The following GXYLT1 variants were observed in gnomAD, a reference collection of about 807,000 sequenced individuals.
The protein encoded by GXYLT1 is glucoside xylosyltransferase 1.
A neutral mutation model predicts 54.0 loss-of-function variants in GXYLT1; 29 were observed. The observed-to-expected ratio is 0.54, with a 90% CI of 0.40 to 0.73. The LOEUF is 0.73. Among genes scored for constraint, GXYLT1 ranks in the 30% least tolerant of loss-of-function variants. The pLI, the probability that GXYLT1 is intolerant of heterozygous loss-of-function variation, is 0.00. For synonymous variants in GXYLT1, 176 were observed against 204.1 expected, an observed-to-expected ratio of 0.86 and a Z score of 1.17; for missense variants, 490 against 553.4, an observed-to-expected ratio of 0.89 and a Z score of 1.15.
intron 1 of GXYLT1, among the ~76,000 whole-genome samples, chr12:42,135,073 T>C (rs1480397934): frequency 6.6e-6 from 1 of 152,226 alleles, no homozygotes; most frequent in Non-Finnish European, 1.5e-5. Context: ...GCATCATTTA[T>C]TGACTTTGAC....
chr12:42,098,024 TC>T lies in GXYLT1; in HGVS notation c.873del (p.Met291IlefsTer21). 6.2e-7 allele frequency: 1 copy of T among 1,608,164 alleles called. No homozygotes were observed. Among genetic ancestry groups the T allele is most frequent in the Non-Finnish European group, 8.5e-7 (1 of 1,177,640 alleles). On this transcript the variant is annotated frameshift_variant, in exon 6 of 8. Transcript: ENST00000398675. LOFTEE classifies it high-confidence loss of function. ...TCTCCCCATTGTAGTCGTACAGTTG[TC>T]ATATCATTCTGTTGATAAAAACATT... is the stretch of plus-strand genomic sequence containing the variant. ...RMRRKYFKND[M>X]TTVRLQWGDI...
At chr12:42,130,198 C>A (rs1001008805) in intron 1 of GXYLT1, among the ~76,000 whole-genome samples, 3 of 152,144 alleles carry the variant, frequency 2.0e-5, no homozygotes, top group Non-Finnish European at 4.4e-5. Context: ...AACAAAATCC[C>A]TTTGGGACAA....
chr12:42,132,766 G>C (rs928095158), intron 1 of GXYLT1, among the ~76,000 whole-genome samples: 1 of 151,952 alleles, frequency 6.6e-6, no homozygotes, highest in Admixed American at 6.6e-5. Flanking sequence ...CTGTATTTGG[G>C]GGCAATGTTT....
At chr12:42,112,233 A>AG (rs1172061218) in intron 3 of GXYLT1, among the ~76,000 whole-genome samples, 24 of 152,354 alleles carry the variant, frequency 1.6e-4, no homozygotes, top group African/African-American at 4.8e-4. Flanking sequence ...TAAAAAGCAG[A>AG]GTGCCTCTCC....
In GXYLT1 at chr12:42,144,724, C is replaced by T; in HGVS notation, c.-78G>A. The T allele has an allele frequency of 1.7e-6, 2 of 1,145,268 alleles. No individual in the cohort carries two copies. Among genetic ancestry groups the T allele is most frequent in the Non-Finnish European group, 1.1e-6 (1 of 887,508 alleles). 70.9% of individuals were successfully genotyped at this position (1,145,268 alleles called of 1,614,324 possible). The stretch of plus-strand genomic sequence containing the variant: ...CTGGAGCGGAGGGAGGGGCACCGCG[C>T]AGCCGCGGGCGCAACAAGTTCCTCA... On this transcript the variant is annotated 5_prime_UTR_variant, in exon 1 of 8. Transcript: ENST00000398675.
At chr12:42,137,668 A>G (rs1339570082) in intron 1 of GXYLT1, among the ~76,000 whole-genome samples, 1 of 149,624 alleles carries the variant, frequency 6.7e-6, no homozygotes, top group Non-Finnish European at 1.5e-5. Flanking sequence ...GAGGCAGGAG[A>G]ATGGCGTGAA....
chr12:42,093,497 T>C (rs2065339799), intron 7 of GXYLT1, among the ~76,000 whole-genome samples: 1 of 152,024 alleles, frequency 6.6e-6, no homozygotes, highest in Non-Finnish European at 1.5e-5. Context: ...AAACAGGCTA[T>C]AAAGAGGGAG....
chr12:42,114,508 G>A (rs1344054181), intron 3 of GXYLT1, among the ~76,000 whole-genome samples: 6 of 152,100 alleles, frequency 3.9e-5, no homozygotes, highest in Non-Finnish European at 5.9e-5. Flanking sequence ...AGACCTCTAC[G>A]CAAATAAACT....
intron 1 of GXYLT1, among the ~76,000 whole-genome samples, chr12:42,136,902 T>C (rs1438626566): frequency 6.6e-6 from 1 of 151,638 alleles, no homozygotes; most frequent in Non-Finnish European, 1.5e-5. Context: ...ACCTCTGGAG[T>C]AGCTGGGACC....
At chr12:42,097,678 C>G in intron 6 of GXYLT1, 64 bp from the exon 7 acceptor site, 1 of 1,391,986 alleles carries the variant, frequency 7.2e-7, no homozygotes, top group Non-Finnish European at 9.9e-7. Flanking sequence ...TAACATTATG[C>G]AAAACTTTCA....
chr12:42,087,847 A>C lies in GXYLT1; in HGVS notation c.1262T>G (p.Phe421Cys). 6.2e-7 allele frequency: 1 copy of C among 1,607,074 alleles called. No homozygotes were observed. Among genetic ancestry groups the C allele is most frequent in the Non-Finnish European group, 8.5e-7 (1 of 1,176,532 alleles). The change falls in exon 8 of 8, where the codon TTT (phenylalanine) becomes TGT (cysteine). Residue 421 changes from phenylalanine (F) to cysteine (C), a missense_variant. Transcript: ENST00000398675. ...HTYCGKIYKI[F>C]IKQLAKSVRD... The stretch of plus-strand genomic sequence containing the variant: ...TACACTTTTTGCTAGTTGTTTGATA[A>C]ATATTTTGTAAATTTTTCCACAGTA...
At chr12:42,139,651 T>C (rs948399202) in intron 1 of GXYLT1, among the ~76,000 whole-genome samples, 1 of 152,220 alleles carries the variant, frequency 6.6e-6, no homozygotes, top group Non-Finnish European at 1.5e-5. Context: ...CTAAGCTCTC[T>C]AGTCGATGGT....
rs555775610 is a variant in GXYLT1, at chr12:42,086,335, G to A, written c.*1451C>T. The stretch of plus-strand genomic sequence containing the variant: ...ATTTGTCCCTGACTGAACTGCAGAC[G>A]ACAGAACAACTGTACTAACCATCTC... On this transcript the variant is annotated 3_prime_UTR_variant, in exon 8 of 8. Transcript: ENST00000398675. The A allele has an allele frequency of 8.0e-6, 1 of 124,942 alleles. No homozygotes were observed. Among genetic ancestry groups the A allele is most frequent in the African/African-American group, 3.0e-5 (1 of 33,596 alleles). 7.7% of individuals were successfully genotyped at this position (124,942 alleles called of 1,614,324 possible).
At chr12:42,124,213 C>A (rs1458528048) in intron 2 of GXYLT1, among the ~76,000 whole-genome samples, 1 of 151,686 alleles carries the variant, frequency 6.6e-6, no homozygotes, top group Non-Finnish European at 1.5e-5. Context: ...TCACCTATGA[C>A]CACAGAATTC....
chr12:42,101,437 T>C (rs1428478699), intron 5 of GXYLT1, among the ~76,000 whole-genome samples: 3 of 152,306 alleles, frequency 2.0e-5, no homozygotes, highest in African/African-American at 7.2e-5. Context: ...CTCCACATCA[T>C]ACACACATTA....
Position 42,109,601 on chromosome 12 carries a change from A to G in GXYLT1, c.577T>C (p.Phe193Leu), listed in dbSNP as rs1215458386. 5 of 1,595,932 alleles carry G rather than the reference A, an allele frequency of 3.1e-6. No homozygotes were observed. Among genetic ancestry groups the G allele is most frequent in the Non-Finnish European group, 4.3e-6 (5 of 1,172,518 alleles). The change falls in exon 4 of 8, where the codon TTT (phenylalanine) becomes CTT (leucine). Residue 193 changes from phenylalanine (F) to leucine (L), a missense_variant. Coordinates refer to ENST00000398675, the MANE Select transcript of GXYLT1 (RefSeq NM_173601.2). ...SENAAEWKKL[F>L]KPCASQRLFL... Reference sequence around the variant, plus strand: ...AATCTCTGCGAAGCACATGGTTTAAAGAGTTTTTTCCACTCTGCTGCATTC... The same window carrying G: ...AATCTCTGCGAAGCACATGGTTTAAGGAGTTTTTTCCACTCTGCTGCATTC...
chr12:42,119,293 C>A, intron 2 of GXYLT1, 122 bp from the exon 3 acceptor site: 1 of 748,348 alleles, frequency 1.3e-6, no homozygotes, highest in Non-Finnish European at 2.2e-6. Context: ...GCAGTCCCAG[C>A]TACACGGGAA....
intron 2 of GXYLT1, among the ~76,000 whole-genome samples, chr12:42,121,324 T>C (rs901677494): frequency 2.0e-5 from 3 of 152,176 alleles, no homozygotes; most frequent in Non-Finnish European, 2.9e-5. Flanking sequence ...AGAAGTATAT[T>C]AAACCTAAAG....
chr12:42,116,238 A>C (rs1236955637), intron 3 of GXYLT1, among the ~76,000 whole-genome samples: 3 of 152,050 alleles, frequency 2.0e-5, no homozygotes, highest in African/African-American at 7.2e-5. Context: ...TTCATGTCTA[A>C]AACACCAAAA....
Sources: allele counts gnomAD v4.1 joint callset (sites outside exome capture counted in the v4.1 genomes callset), GRCh38; gene constraint gnomAD v4.1.1; transcripts MANE v1.5; gene names NCBI Gene and HGNC (gene_info 2026-07-23, HGNC 2026-07-21).